The following ALPK2 variants were observed in gnomAD, a reference collection of about 807,000 sequenced individuals.
ALPK2 encodes alpha kinase 2, also known as alpha-protein kinase 2.
Under a neutral mutation model 163.1 loss-of-function variants are expected in ALPK2, and 127 were observed. That is an observed-to-expected ratio of 0.78 (90% CI 0.67 to 0.90). ALPK2 has a LOEUF of 0.90. ALPK2 is among the 40% of genes least tolerant of loss of function. The pLI, the probability that ALPK2 is intolerant of heterozygous loss-of-function variation, is 0.00. For synonymous variants in ALPK2, 953 were observed against 959.1 expected (o/e 0.99, Z 0.12); for missense variants, 2,360 against 2,589.6 (o/e 0.91, Z 1.92).
chr18:58,490,895 T>G (rs1248623226), intron 12 of ALPK2, among the ~76,000 whole-genome samples: 1 of 152,130 alleles, frequency 6.6e-6, no homozygotes, highest in East Asian at 1.9e-4. Context: ...GGTCCGTTTT[T>G]GAGGTCGCAT....
rs534637339 is a variant in ALPK2 at position 58,623,534 on chromosome 18, C to T, written c.-21+5230G>A. Among the ~76,000 whole-genome samples the T allele has an allele frequency of 2.7e-4, 41 of 151,918 alleles. No individual in the cohort carries two copies. The South Asian group carries it at 7.5e-3, about 28-fold the overall frequency. ...CCGCTGGAGTGCATTGGTACAATCT[C>T]GGCTCACTGCAACCCCTGCCTCCTG... On this transcript the variant is annotated intron_variant, in intron 1 of 12. Transcript: ENST00000361673.
chr18:58,607,247 C>G (rs936504982), intron 3 of ALPK2, 75 bp downstream of exon 3: 12 of 1,086,720 alleles, frequency 1.1e-5, no homozygotes, highest in Non-Finnish European at 1.6e-5. Context: ...ATCTTTTGGC[C>G]TTACCTCATA....
At chr18:58,614,055 C>G (rs1417527676) in intron 1 of ALPK2, among the ~76,000 whole-genome samples, 2 of 152,218 alleles carry the variant, frequency 1.3e-5, no homozygotes, top group Non-Finnish European at 2.9e-5. Context: ...AAGGGGAATA[C>G]ACTGCCTTCC....
chr18:58,604,414 C>G (rs2052087596), intron 3 of ALPK2, among the ~76,000 whole-genome samples: 1 of 152,164 alleles, frequency 6.6e-6, no homozygotes, highest in South Asian at 2.1e-4. Flanking sequence ...CAGATGAATG[C>G]TTAGGACGTA....
At chr18:58,538,462 A>T in intron 4 of ALPK2, 1 of 470,488 alleles carries the variant, frequency 2.1e-6, no homozygotes, top group Non-Finnish European at 3.7e-6. Context: ...ATAAGCAAAA[A>T]GCCTCCTGAC....
In ALPK2 at chr18:58,535,854, C is replaced by T; in HGVS notation, c.4333G>A (p.Ala1445Thr). The change falls in exon 5 of 13, where the codon GCG (alanine) becomes ACG (threonine). Residue 1445 changes from alanine to threonine, a missense_variant. Physicochemically the swap from Ala to Thr is moderately conservative, Grantham distance 58 (BLOSUM62 0). Transcript: ENST00000361673. ...QSNDGNMGHE[A>T]EIQPAILQVP... ...TGCAAAATGGCCGGCTGGATTTCCG[C>T]TTCGTGGCCCATGTTTCCGTCATTT... 3 of 1,614,218 alleles carry T rather than the reference C, an allele frequency of 1.9e-6. No individual in the cohort carries two copies. The highest frequency in any genetic ancestry group is 2.5e-6 in the Non-Finnish European group (3 of 1,180,018).
intron 11 of ALPK2, among the ~76,000 whole-genome samples, chr18:58,499,698 C>T (rs2051421570): frequency 6.6e-6 from 1 of 152,262 alleles, no homozygotes; most frequent in Non-Finnish European, 1.5e-5. Flanking sequence ...CTGCTAGATG[C>T]CTGGGTCCTG....
intron 3 of ALPK2, among the ~76,000 whole-genome samples, chr18:58,583,664 A>G (rs1349774177): frequency 6.6e-6 from 1 of 151,160 alleles, no homozygotes; most frequent in Non-Finnish European, 1.5e-5. Flanking sequence ...AAATTTAAAA[A>G]TTAGCCAGGC....
chr18:58,611,578 A>G, intron 2 of ALPK2, 111 bp downstream of exon 2: 2 of 963,048 alleles, frequency 2.1e-6, no homozygotes, highest in Non-Finnish European at 3.2e-6. Context: ...CAGAAAAAAA[A>G]ACTTCCAAGG....
rs76139583 is a variant in ALPK2, at chr18:58,583,498, C to T, written c.228-2950G>A. 9.3e-3 allele frequency among the ~76,000 whole-genome samples: 1,414 copies of T among 152,062 alleles called. 27 individuals carry two copies. Among genetic ancestry groups the T allele is most frequent in the African/African-American group, 0.032 (1,338 of 41,488 alleles). ...CAATTAATTCTTGGAGATTTGGCCTCCATTAAGCACTGACAGCATAAAAAA... is the reference window on the plus strand; with the variant it reads ...CAATTAATTCTTGGAGATTTGGCCTTCATTAAGCACTGACAGCATAAAAAA... On this transcript the variant is annotated intron_variant, in intron 3 of 12. Transcript: ENST00000361673.
intron 4 of ALPK2, among the ~76,000 whole-genome samples, chr18:58,568,878 T>C (rs1020444835): frequency 2.6e-5 from 4 of 151,824 alleles, no homozygotes; most frequent in Non-Finnish European, 4.4e-5. Context: ...CTGAGGGGGG[T>C]CCTGGAACCA....
At chr18:58,569,854 G>T (rs2051876018) in intron 4 of ALPK2, among the ~76,000 whole-genome samples, 1 of 149,888 alleles carries the variant, frequency 6.7e-6, no homozygotes, top group Non-Finnish European at 1.5e-5. Flanking sequence ...CTTCTGGCTG[G>T]GCGCGGTGGC....
chr18:58,593,903 A>G lies in ALPK2; in HGVS notation c.228-13355T>C, dbSNP rs1602232856. 2.7e-5 allele frequency among the ~76,000 whole-genome samples: 4 copies of G among 150,848 alleles called. No homozygotes were observed. In the South Asian group the frequency reaches 6.3e-4, roughly 24 times the overall value. On this transcript the variant is annotated intron_variant, in intron 3 of 12. Transcript: ENST00000361673. ...CAAAAATAAATAAATAAAAATAATA[A>G]AAGGAAAAAAATACCAGTGCCAGGG...
At chr18:58,619,140 T>C (rs919113787) in intron 1 of ALPK2, among the ~76,000 whole-genome samples, 2 of 152,188 alleles carry the variant, frequency 1.3e-5, no homozygotes, top group Non-Finnish European at 2.9e-5. Flanking sequence ...GTAAATTGCA[T>C]GGGGAGGAAG....
At position 58,518,956 on chromosome 18, in the gene ALPK2, G is replaced by A. The variant is rs143482699; in HGVS notation, c.5666-1774C>T. 2.9e-3 allele frequency among the ~76,000 whole-genome samples: 439 copies of A among 152,288 alleles called. 7 individuals are homozygous for A. The highest frequency in any genetic ancestry group is 0.027 in the Admixed American group (412 of 15,298). On this transcript the variant is annotated intron_variant, in intron 8 of 12. Coordinates refer to ENST00000361673, the MANE Select transcript of ALPK2 (RefSeq NM_052947.4). ...ATGAATTATACATGTTCATAAACTT[G>A]TTTGATTTCTCTCATTAATCTTTTG...
In ALPK2 at chr18:58,537,056, G is replaced by C. The variant is rs769096264; in HGVS notation, c.3131C>G (p.Ser1044Cys). 2 of 1,614,066 alleles carry C rather than the reference G, an allele frequency of 1.2e-6. No individual in the cohort carries two copies. Among genetic ancestry groups the C allele is most frequent in the East Asian group, 2.2e-5 (1 of 44,888 alleles). Residue 1044 changes from serine (S) to cysteine (C), a missense_variant, in exon 5 of 13, where the codon TCC becomes TGC. Transcript: ENST00000361673. ...AGGAAATTGGGAAACCTTTTCATGG[G>C]ATGCACGAGGGAACCTCTCCTCAGT... ...GGTEERFPRA[S>C]HEKVSQFPSQ...
Position 58,536,507 on chromosome 18 carries a change from G to A in ALPK2, c.3680C>T (p.Pro1227Leu). 6.2e-7 allele frequency: 1 copy of A among 1,613,798 alleles called. No individual in the cohort carries two copies. The highest frequency in any genetic ancestry group is 8.5e-7 in the Non-Finnish European group (1 of 1,180,006). Residue 1227 changes from proline to leucine, a missense_variant, in exon 5 of 13, where the codon CCT becomes CTT. Coordinates refer to ENST00000361673, the MANE Select transcript of ALPK2 (RefSeq NM_052947.4). ...CTTGTTGCCTGCCTCCCAATTTCCA[G>A]GTCTATATTCTTTAGACTCTTCCAA... Reference protein sequence around the residue: ...ILLEESKEYRPGNWEAGNKLK... With the variant: ...ILLEESKEYRLGNWEAGNKLK...
chr18:58,517,939 G>GT (rs202096652), intron 8 of ALPK2, among the ~76,000 whole-genome samples: 2,223 of 150,778 alleles, frequency 0.015, 41 homozygotes, highest in African/African-American at 0.05. Flanking sequence ...TCTAACAGCT[G>GT]TTTTTTTTTG....
intron 3 of ALPK2, among the ~76,000 whole-genome samples, chr18:58,600,914 G>A (rs1372147132): frequency 6.6e-6 from 1 of 152,180 alleles, no homozygotes; most frequent in Admixed American, 6.5e-5. Context: ...ACTTGGCACT[G>A]GATTCTAGAG....
Sources: gnomAD v4.1 joint callset for allele counts (sites outside exome capture counted in the v4.1 genomes callset) on GRCh38, gnomAD v4.1.1 for gene constraint, MANE v1.5 for transcripts, NCBI Gene and HGNC (gene_info 2026-07-23, HGNC 2026-07-21) for gene names.